The following PRKN variants were observed in gnomAD, a reference collection of about 807,000 sequenced individuals.
PRKN encodes the protein parkin RBR E3 ubiquitin protein ligase.
A neutral mutation model predicts 59.5 loss-of-function variants in PRKN; 56 were observed. That is an observed-to-expected ratio of 0.94 (90% CI 0.76 to 1.18). The LOEUF is 1.18. PRKN is among the 50% of genes most tolerant of loss of function. The pLI, the probability that PRKN is intolerant of heterozygous loss-of-function variation, is 0.00. For missense variants in PRKN, 657 were observed against 596.4 expected, an observed-to-expected ratio of 1.10 and a Z score of -1.06; for synonymous variants, 250 against 222.1, an observed-to-expected ratio of 1.13 and a Z score of -1.12.
At position 161,499,476 on chromosome 6, in the gene PRKN, C is replaced by G. The variant is rs112755162; in HGVS notation, c.1083+49378G>C. On this transcript the variant is annotated intron_variant, in intron 9 of 11. Coordinates refer to ENST00000366898, the MANE Select transcript of PRKN (RefSeq NM_004562.3). This position sits in a 1 kb window ranked among gnomAD's most constrained non-coding sequence, Gnocchi z 4.2. ...AGTGTTTCCCACCCCTCATTTCTCT[C>G]GTTCATGTCACCTGTTGCTTCTTAT... 3.3e-5 allele frequency among the ~76,000 whole-genome samples: 5 copies of G among 152,102 alleles called. No individual in the cohort carries two copies. Among genetic ancestry groups the G allele is most frequent in the Non-Finnish European group, 5.9e-5 (4 of 68,020 alleles).
Position 162,009,427 on chromosome 6 carries a change from T to A in PRKN, c.619-36010A>T, listed in dbSNP as rs1223595250. ...AGCTAATGAAACACCTACATGACAA[T>A]TTCAGCAAAATGAAAAAACAAACCC... On this transcript the variant is annotated intron_variant, in intron 5 of 11. Coordinates refer to ENST00000366898, the MANE Select transcript of PRKN (RefSeq NM_004562.3). Among the ~76,000 whole-genome samples, 2 of 151,808 alleles carry A rather than the reference T, an allele frequency of 1.3e-5. 1 individual carries two copies. The highest frequency in any genetic ancestry group is 4.9e-5 in the African/African-American group (2 of 41,184).
intron 2 of PRKN, among the ~76,000 whole-genome samples, chr6:162,436,176 C>CAAAAAAAA (rs35792526): frequency 1.8e-5 from 1 of 54,686 alleles, no homozygotes; most frequent in African/African-American, 6.6e-5. Flanking sequence ...ACTCCATCTC[C>CAAAAAAAA]AAAAAAAAAA....
At chr6:162,407,040 G>A (rs1282720624) in intron 2 of PRKN, among the ~76,000 whole-genome samples, 1 of 152,070 alleles carries the variant, frequency 6.6e-6, no homozygotes, top group Non-Finnish European at 1.5e-5. Context: ...ACTAGATCAT[G>A]TGATCTAAAC....
At chr6:161,674,706 T>C (rs753456753) in intron 7 of PRKN, among the ~76,000 whole-genome samples, 2 of 152,192 alleles carry the variant, frequency 1.3e-5, no homozygotes, top group Non-Finnish European at 2.9e-5. Context: ...TTTTCCTTCT[T>C]AGAGGAATAC....
chr6:162,232,836 A>C (rs1463278598), intron 3 of PRKN, among the ~76,000 whole-genome samples: 1 of 152,188 alleles, frequency 6.6e-6, no homozygotes, highest in African/African-American at 2.4e-5. Flanking sequence ...CGTGGTGTGT[A>C]AACTACAGGC....
intron 3 of PRKN, among the ~76,000 whole-genome samples, chr6:162,219,676 A>C (rs1333741502): frequency 6.6e-6 from 1 of 151,562 alleles, no homozygotes; most frequent in East Asian, 1.9e-4. Flanking sequence ...ACAAATGGGT[A>C]TCTTCAATTA....
chr6:161,483,523 C>T lies in PRKN; in HGVS notation c.1083+65331G>A, dbSNP rs73782908. On this transcript the variant is annotated intron_variant, in intron 9 of 11. Coordinates refer to ENST00000366898, the MANE Select transcript of PRKN (RefSeq NM_004562.3). The surrounding 1 kb of genome is among the most constrained non-coding windows in gnomAD (Gnocchi z 5.0). ...AATATGGACTTGCATTAATTCCCAGCGTATAAACTCATGGATCCTCCACAG... is the reference window on the plus strand; with the variant it reads ...AATATGGACTTGCATTAATTCCCAGTGTATAAACTCATGGATCCTCCACAG... 7.8e-3 allele frequency among the ~76,000 whole-genome samples: 1,183 copies of T among 152,268 alleles called. 15 individuals are homozygous for T. Among genetic ancestry groups the T allele is most frequent in the African/African-American group, 0.027 (1,124 of 41,560 alleles).
chr6:161,367,613 T>C (rs891518566), intron 10 of PRKN, among the ~76,000 whole-genome samples: 3 of 152,168 alleles, frequency 2.0e-5, no homozygotes, highest in African/African-American at 7.2e-5. Context: ...ATTCTGTTCC[T>C]CAAACGCTAC....
chr6:162,353,265 G>C (rs2128131700), intron 2 of PRKN, among the ~76,000 whole-genome samples: 1 of 152,062 alleles, frequency 6.6e-6, no homozygotes, highest in Non-Finnish European at 1.5e-5. Context: ...CCTAGGGTAA[G>C]AGTGGACGGT....
At chr6:161,789,782 A>T (rs1299592516) in intron 6 of PRKN, among the ~76,000 whole-genome samples, 1 of 152,214 alleles carries the variant, frequency 6.6e-6, no homozygotes, top group East Asian at 1.9e-4. Context: ...TGCCTCATCA[A>T]ATACAATGCT....
intron 1 of PRKN, among the ~76,000 whole-genome samples, chr6:162,464,212 ATT>A (rs780719060): frequency 2.0e-5 from 3 of 151,862 alleles, no homozygotes; most frequent in Non-Finnish European, 2.9e-5. Flanking sequence ...GGCGATTACT[ATT>A]TTTTTTACAC....
intron 1 of PRKN, among the ~76,000 whole-genome samples, chr6:162,559,031 G>A (rs998677593): frequency 4.0e-5 from 6 of 151,670 alleles, no homozygotes; most frequent in Admixed American, 4.0e-4. Flanking sequence ...GGTGCCTGTA[G>A]TCCCAGCTAC....
At chr6:161,767,635 T>C (rs996669572) in intron 7 of PRKN, among the ~76,000 whole-genome samples, 1 of 152,210 alleles carries the variant, frequency 6.6e-6, no homozygotes, top group Non-Finnish European at 1.5e-5. Flanking sequence ...GAAATTTGCT[T>C]AGAAATTATA....
intron 6 of PRKN, among the ~76,000 whole-genome samples, chr6:161,913,736 G>C (rs1778452763): frequency 6.6e-6 from 1 of 152,158 alleles, no homozygotes; most frequent in Admixed American, 6.5e-5. Context: ...CTGAATGCTT[G>C]TGTCTCCCCC....
chr6:162,571,390 T>C (rs962232026), intron 1 of PRKN: 1 of 149,288 alleles, frequency 6.7e-6, no homozygotes, highest in Non-Finnish European at 1.5e-5. Context: ...TATACACGCA[T>C]ACTATGTACC....
chr6:162,569,360 C>T, intron 1 of PRKN: 5 of 643,568 alleles, frequency 7.8e-6, no homozygotes, highest in Admixed American at 7.4e-5. Flanking sequence ...TGCCCTGCAA[C>T]AGGCCATGCA....
chr6:162,124,154 C>A (rs1781029367), intron 4 of PRKN, among the ~76,000 whole-genome samples: 1 of 152,188 alleles, frequency 6.6e-6, no homozygotes, highest in Non-Finnish European at 1.5e-5. Flanking sequence ...CCAAACCCAG[C>A]TCCGAGAAAA....
chr6:162,079,577 C>A (rs1261846682), intron 4 of PRKN, among the ~76,000 whole-genome samples: 2 of 151,976 alleles, frequency 1.3e-5, no homozygotes, highest in Admixed American at 6.6e-5. Flanking sequence ...CCTGTTTAAA[C>A]CCCTCTCATG....
chr6:162,544,704 G>T (rs1779052066), intron 1 of PRKN, among the ~76,000 whole-genome samples: 1 of 112,020 alleles, frequency 8.9e-6, no homozygotes. Context: ...TTGAGACAGA[G>T]TCTCGCTCTG....
Sources: gnomAD v4.1 joint callset for allele counts (sites outside exome capture counted in the v4.1 genomes callset) on GRCh38, gnomAD v4.1.1 for gene constraint, Gnocchi (gnomAD v3.1) non-coding constraint, MANE v1.5 for transcripts, NCBI Gene and HGNC (gene_info 2026-07-23, HGNC 2026-07-21) for gene names.